The following DUSP12 variants were observed in gnomAD, a reference collection of about 807,000 sequenced individuals.
The protein encoded by DUSP12 is dual specificity phosphatase 12.
In DUSP12, 25 loss-of-function variants were observed where a neutral mutation model predicts 38.9. That is an observed-to-expected ratio of 0.64 (90% CI 0.47 to 0.90). DUSP12 has a LOEUF of 0.90. Among genes scored for constraint, DUSP12 ranks in the 40% least tolerant of loss-of-function variants. The pLI is 0.00. For missense variants in DUSP12, 403 were observed against 427.0 expected (o/e 0.94, Z 0.50); for synonymous variants, 153 against 153.9 (o/e 0.99, Z 0.05).
At chr1:161,752,531 AT>A in intron 4 of DUSP12, 67 bp downstream of exon 4, 1 of 1,048,268 alleles carries the variant, frequency 9.5e-7, no homozygotes, top group Non-Finnish European at 1.4e-6. Context: ...TTAATGTTTT[AT>A]TTTCTTAAAT....
intron 5 of DUSP12, among the ~76,000 whole-genome samples, chr1:161,756,521 G>C (rs1168399713): frequency 1.1e-5 from 1 of 88,384 alleles, no homozygotes; most frequent in Non-Finnish European, 2.7e-5. Context: ...ATATATATAT[G>C]CCACATCCAT....
Position 161,750,071 on chromosome 1 carries a change from A to G in DUSP12, c.270A>G (p.Leu90=). 1 of 1,613,828 alleles carries G rather than the reference A, an allele frequency of 6.2e-7. No homozygotes were observed. Among genetic ancestry groups the G allele is most frequent in the Non-Finnish European group, 8.5e-7 (1 of 1,179,904 alleles). ...VPALDKPETD[L]LSHLDRCVAF... Reference sequence around the variant, plus strand: ...CGCTGGACAAACCCGAGACGGACCTACTCAGCCATCTGGACCGGTGCGTGG... The same window carrying G: ...CGCTGGACAAACCCGAGACGGACCTGCTCAGCCATCTGGACCGGTGCGTGG... Residue 90 remains leucine, a synonymous_variant, in exon 1 of 6, where the codon CTA becomes CTG. Coordinates refer to ENST00000367943, the MANE Select transcript of DUSP12 (RefSeq NM_007240.3).
At chr1:161,752,277 C>A in intron 3 of DUSP12, 91 bp from the exon 4 acceptor site, 1 of 905,418 alleles carries the variant, frequency 1.1e-6, no homozygotes, top group Non-Finnish European at 1.7e-6. Context: ...TTGAGGTTAG[C>A]ACTTGTTGCC....
chr1:161,751,618 T>C (rs776288381), intron 1 of DUSP12, 50 bp from the exon 2 acceptor site: 5 of 1,567,034 alleles, frequency 3.2e-6, no homozygotes, highest in African/African-American at 1.4e-5. Flanking sequence ...GTGTGTTTTT[T>C]TTTTTAATTG....
intron 5 of DUSP12, among the ~76,000 whole-genome samples, chr1:161,756,189 C>T (rs144376349): frequency 1.4e-3 from 214 of 152,142 alleles, no homozygotes; most frequent in African/African-American, 4.9e-3. Flanking sequence ...TTTTCTATAG[C>T]TCAAGATTAA....
chr1:161,756,937 G>C lies in DUSP12; in HGVS notation c.1013G>C (p.Gly338Ala), dbSNP rs186483628. The change falls in exon 6 of 6, where the codon GGA (glycine) becomes GCA (alanine). Residue 338 changes from glycine (G) to alanine (A), a missense_variant. By Grantham distance (60) the Gly-to-Ala change is moderately conservative. Coordinates refer to ENST00000367943, the MANE Select transcript of DUSP12 (RefSeq NM_007240.3). ...TTGCCTGTTTTGGGATCACAAACAG[G>C]AAAAATATGAACATGATATTTTATA... Reference protein sequence around the residue: ...KILPVLGSQTGKI With the variant: ...KILPVLGSQTAKI 144 of 1,611,522 alleles carry C rather than the reference G, an allele frequency of 8.9e-5. No homozygotes were observed. The East Asian group carries it at 2.4e-3, about 27-fold the overall frequency.
chr1:161,750,130 C>A lies in DUSP12; in HGVS notation c.329C>A (p.Ala110Glu). The change falls in exon 1 of 6, where the codon GCG becomes GAG. Residue 110 changes from alanine (A) to glutamate (E), a missense_variant. Transcript: ENST00000367943. ...GGTCAGGCCCGCGCTGAGGGCCGTG[C>A]GGTGTTGGTGCACTGGTGAGTGGCC... is the stretch of plus-strand genomic sequence containing the variant. Reference protein sequence around the residue: ...FIGQARAEGRAVLVHCHAGVS... With the variant: ...FIGQARAEGREVLVHCHAGVS... 1 of 1,613,304 alleles carries A rather than the reference C, an allele frequency of 6.2e-7. No individual in the cohort carries two copies. The highest frequency in any genetic ancestry group is 1.1e-5 in the South Asian group (1 of 91,048).
chr1:161,756,701 T>C, intron 5 of DUSP12, 85 bp from the exon 6 acceptor site: 1 of 1,491,090 alleles, frequency 6.7e-7, no homozygotes, highest in African/African-American at 1.4e-5. Context: ...GTGTCTTGTT[T>C]TTATATCCTA....
Position 161,751,803 on chromosome 1 carries a change from A to G in DUSP12, c.458+22A>G, listed in dbSNP as rs560568164. 9.9e-5 allele frequency: 159 copies of G among 1,602,856 alleles called. 1 individual carries two copies. The Admixed American group carries it at 2.8e-3, about 28-fold the overall frequency. ...CTAAGTGGGTTCTTTTTTTATAGTA[A>G]TAATTATGCTTTTGTGATATAATTT... is the stretch of plus-strand genomic sequence containing the variant. On this transcript the variant is annotated intron_variant, in intron 2 of 5. Transcript: ENST00000367943.
At chr1:161,753,744 G>T (rs1684066294) in intron 5 of DUSP12, among the ~76,000 whole-genome samples, 2 of 141,760 alleles carry the variant, frequency 1.4e-5, no homozygotes, top group Admixed American at 6.9e-5. Context: ...AAGAAAAAAT[G>T]TATTAAACAA....
rs139106893 is a variant in DUSP12, at chr1:161,752,223, T to C, written c.578-145T>C. 988 of 723,752 alleles carry C rather than the reference T, an allele frequency of 1.4e-3. 20 individuals carry two copies. The East Asian group carries it at 0.026, about 19-fold the overall frequency. 44.8% of individuals were successfully genotyped at this position (723,752 alleles called of 1,614,324 possible). ...ATCACTGTCCTCTCCTACCTTAGCC[T>C]GATTTCTCAACACTGGAATTTGATT... On this transcript the variant is annotated intron_variant, in intron 3 of 5. Coordinates refer to ENST00000367943, the MANE Select transcript of DUSP12 (RefSeq NM_007240.3).
Position 161,752,449 on chromosome 1 carries a change from A to C in DUSP12, c.659A>C (p.Lys220Thr). ...GGATTGAAAGATGAGGTTCTCTACA[A>C]GTGTAGAAAGTGCAGGTAAACTATT... ...SQGLKDEVLY[K>T]CRKCRRSLFR... The change falls in exon 4 of 6, where the codon AAG becomes ACG. Residue 220 changes from lysine to threonine, a missense_variant. Transcript: ENST00000367943. The C allele has an allele frequency of 6.2e-7, 1 of 1,608,226 alleles. No homozygotes were observed. Among genetic ancestry groups the C allele is most frequent in the Non-Finnish European group, 8.5e-7 (1 of 1,175,552 alleles).
intron 4 of DUSP12, 53 bp from the exon 5 acceptor site, chr1:161,753,022 T>C: frequency 6.7e-7 from 1 of 1,487,030 alleles, no homozygotes; most frequent in South Asian, 1.3e-5. Context: ...ATTTCATCCA[T>C]GTTTTCATCC....
rs943382134 is a variant in DUSP12 at position 161,754,449 on chromosome 1, T to C, written c.861+1188T>C. ...TTCACAGTGGTTTTTGCAACCATCG[T>C]GTATTAGTCTATTTTCACACTGCCA... On this transcript the variant is annotated intron_variant, in intron 5 of 5. Coordinates refer to ENST00000367943, the MANE Select transcript of DUSP12 (RefSeq NM_007240.3). 2.6e-5 allele frequency among the ~76,000 whole-genome samples: 4 copies of C among 152,166 alleles called. 1 individual carries two copies. Among genetic ancestry groups the C allele is most frequent in the African/African-American group, 9.7e-5 (4 of 41,448 alleles).
intron 5 of DUSP12, among the ~76,000 whole-genome samples, chr1:161,754,636 A>AGG (rs1159229381): frequency 6.6e-6 from 1 of 152,198 alleles, no homozygotes; most frequent in East Asian, 1.9e-4. Flanking sequence ...TATGTGAAGG[A>AGG]GGAACTGTCA....
chr1:161,751,756 CT>C lies in DUSP12; in HGVS notation c.434del (p.Leu145ProfsTer10). On this transcript the variant is annotated frameshift_variant, in exon 2 of 6. Coordinates refer to ENST00000367943, the MANE Select transcript of DUSP12 (RefSeq NM_007240.3). LOFTEE classifies it high-confidence loss of function. ...QLPFEKAYEK[L>X]QILKPEAKMN... The stretch of plus-strand genomic sequence containing the variant: ...TCCCTTTGAAAAAGCCTATGAAAAG[CT>C]CCAGATTCTCAAACCAGAGGCTAAG... 2 of 1,613,126 alleles carry C rather than the reference CT, an allele frequency of 1.2e-6. No individual in the cohort carries two copies. The highest frequency in any genetic ancestry group is 1.7e-6 in the Non-Finnish European group (2 of 1,179,722).
chr1:161,756,491 A>G (rs1684111800), intron 5 of DUSP12, among the ~76,000 whole-genome samples: 2 of 25,306 alleles, frequency 7.9e-5, no homozygotes, highest in East Asian at 4.3e-3. Context: ...AGCTATATAT[A>G]TATATATATA....
rs937280692 is a variant in DUSP12, at chr1:161,750,252, C to G, written c.344+107C>G. ...GGAGGACAAGAGCGCGGTCATGCCG[C>G]GTGAACCTCCTCCCGCTGCCTCCCG... On this transcript the variant is annotated intron_variant, in intron 1 of 5. Transcript: ENST00000367943. 2.0e-4 allele frequency: 241 copies of G among 1,223,770 alleles called. No individual in the cohort carries two copies. The highest frequency in any genetic ancestry group is 9.0e-4 in the Admixed American group (34 of 37,622). 75.8% of individuals were successfully genotyped at this position (1,223,770 alleles called of 1,614,324 possible).
rs1683980653 is a variant in DUSP12, at chr1:161,749,789, T to C, written c.-13T>C. ...TGGTAGGGCAGGAAGCCGCCTTGTC[T>C]CTGGGCGCGGCCATGTTGGAGGCTC... On this transcript the variant is annotated 5_prime_UTR_variant, in exon 1 of 6. Coordinates refer to ENST00000367943, the MANE Select transcript of DUSP12 (RefSeq NM_007240.3). The C allele has an allele frequency of 6.4e-7, 1 of 1,558,200 alleles. No homozygotes were observed. The highest frequency in any genetic ancestry group is 8.7e-7 in the Non-Finnish European group (1 of 1,153,476).
Sources: gnomAD v4.1 joint callset for allele counts (sites outside exome capture counted in the v4.1 genomes callset) on GRCh38, gnomAD v4.1.1 for gene constraint, MANE v1.5 for transcripts, NCBI Gene and HGNC (gene_info 2026-07-23, HGNC 2026-07-21) for gene names.